The following CSGALNACT1 variants were observed in gnomAD, a reference collection of about 807,000 sequenced individuals.
The protein encoded by CSGALNACT1 is beta4GalNAcT-1.
In CSGALNACT1, 52 loss-of-function variants were observed where a neutral mutation model predicts 51.0. The ratio of observed to expected loss-of-function variants is 1.02; its 90% CI spans 0.82 to 1.29. CSGALNACT1 has a LOEUF of 1.29. Among genes scored for constraint, CSGALNACT1 ranks in the 50% most tolerant of loss-of-function variants. The probability of loss-of-function intolerance (pLI) is 0.00; values close to 1 mark genes in which losing one functional copy is unlikely to be tolerated. For missense variants in CSGALNACT1, 935 were observed against 679.2 expected (o/e 1.38, Z -4.19); for synonymous variants, 341 against 254.4 (o/e 1.34, Z -3.24).
intron 3 of CSGALNACT1, among the ~76,000 whole-genome samples, chr8:19,570,615 G>A (rs537099289): frequency 1.5e-4 from 23 of 152,284 alleles, no homozygotes; most frequent in African/African-American, 5.5e-4. Context: ...TTTAAGACAT[G>A]TACAGGCCGG....
intron 4 of CSGALNACT1, among the ~76,000 whole-genome samples, chr8:19,468,107 C>T (rs991882289): frequency 6.6e-6 from 1 of 152,074 alleles, no homozygotes; most frequent in South Asian, 2.1e-4. Flanking sequence ...CAGAGTCTGC[C>T]CATGGTATAA....
chr8:19,544,969 C>A (rs1048822308), intron 3 of CSGALNACT1, among the ~76,000 whole-genome samples: 13 of 151,772 alleles, frequency 8.6e-5, no homozygotes, highest in African/African-American at 2.7e-4. Context: ...AAATGGGAAC[C>A]AGGGGAGAAG....
At chr8:19,463,429 C>T (rs1032842637) in intron 4 of CSGALNACT1, among the ~76,000 whole-genome samples, 2 of 152,018 alleles carry the variant, frequency 1.3e-5, no homozygotes, top group African/African-American at 4.8e-5. Context: ...ACACAAAGGA[C>T]GACACCTAAA....
chr8:19,716,456 A>T (rs1468248865), intron 1 of CSGALNACT1, among the ~76,000 whole-genome samples: 1 of 151,942 alleles, frequency 6.6e-6, no homozygotes, highest in Non-Finnish European at 1.5e-5. Context: ...TTGATAATAC[A>T]GTACAAACTT....
chr8:19,458,663 A>G (rs759983847), intron 4 of CSGALNACT1, 21 bp from the exon 4 acceptor site: 2 of 1,610,824 alleles, frequency 1.2e-6, no homozygotes, highest in East Asian at 2.2e-5. Flanking sequence ...AAAAACAAGG[A>G]AAGATAGTTC....
intron 4 of CSGALNACT1, among the ~76,000 whole-genome samples, chr8:19,486,210 C>A (rs2153943602): frequency 6.6e-6 from 1 of 152,014 alleles, no homozygotes; most frequent in African/African-American, 2.4e-5. Context: ...GCTTAATGAG[C>A]CTTGATGATT....
At chr8:19,732,720 G>A (rs926806031) in intron 1 of CSGALNACT1, among the ~76,000 whole-genome samples, 7 of 152,184 alleles carry the variant, frequency 4.6e-5, no homozygotes, top group Admixed American at 3.9e-4. Flanking sequence ...TACATATATG[G>A]ATCTTTATAA....
At chr8:19,700,199 GT>G (rs1287382045) in intron 1 of CSGALNACT1, among the ~76,000 whole-genome samples, 9 of 148,150 alleles carry the variant, frequency 6.1e-5, no homozygotes, top group African/African-American at 9.9e-5. Context: ...GTTAAGTCAG[GT>G]TTTTTTTTTA....
intron 1 of CSGALNACT1, among the ~76,000 whole-genome samples, chr8:19,743,684 T>G (rs1329253754): frequency 6.6e-6 from 1 of 152,212 alleles, no homozygotes; most frequent in Non-Finnish European, 1.5e-5. Flanking sequence ...TGATTGCTAT[T>G]TTCTTCTTCC....
rs558833862 is a variant in CSGALNACT1, at chr8:19,526,484, G to A, written c.-296-20354C>T. ...TGTAGTGCCAGCTACTCGGGAGACCGAGGCAGGATAATCACTTGAACCTGG... is the reference window on the plus strand; with the variant it reads ...TGTAGTGCCAGCTACTCGGGAGACCAAGGCAGGATAATCACTTGAACCTGG... On this transcript the variant is annotated intron_variant, in intron 3 of 9. Transcript: ENST00000454498. Among the ~76,000 whole-genome samples, 29 of 152,274 alleles carry A rather than the reference G, an allele frequency of 1.9e-4. 1 individual carries two copies. The South Asian group carries it at 4.4e-3, about 23-fold the overall frequency.
chr8:19,594,374 G>A (rs779892241), intron 2 of CSGALNACT1, among the ~76,000 whole-genome samples: 52 of 152,266 alleles, frequency 3.4e-4, no homozygotes, highest in Non-Finnish European at 6.0e-4. Context: ...GTGTAATCCG[G>A]CACTCAATAC....
upstream of CSGALNACT1, among the ~76,000 whole-genome samples, chr8:19,606,941 G>A (rs2051460692): frequency 6.6e-6 from 1 of 152,178 alleles, no homozygotes; most frequent in African/African-American, 2.4e-5. Context: ...GGATCACAAG[G>A]TCAGGAGATC....
intron 2 of CSGALNACT1, among the ~76,000 whole-genome samples, chr8:19,594,165 G>A (rs970484867): frequency 2.0e-5 from 3 of 152,106 alleles, no homozygotes; most frequent in African/African-American, 7.2e-5. Context: ...AGAATGAGAA[G>A]AACAGAAAAA....
At chr8:19,571,052 G>C (rs1002243996) in intron 3 of CSGALNACT1, among the ~76,000 whole-genome samples, 2 of 152,132 alleles carry the variant, frequency 1.3e-5, no homozygotes, top group African/African-American at 4.8e-5. Context: ...AATCACTGCA[G>C]CCTCAACCTC....
intron 4 of CSGALNACT1, among the ~76,000 whole-genome samples, chr8:19,466,484 T>G (rs943555451): frequency 2.6e-5 from 4 of 152,202 alleles, no homozygotes; most frequent in Non-Finnish European, 5.9e-5. Context: ...CGGTAAATGC[T>G]TAGTATTTTA....
At chr8:19,592,726 C>T (rs1373106778) in intron 2 of CSGALNACT1, among the ~76,000 whole-genome samples, 3 of 152,116 alleles carry the variant, frequency 2.0e-5, no homozygotes, top group Admixed American at 6.5e-5. Context: ...TGTGCCACTG[C>T]ACCACTGCAC....
At chr8:19,517,463 G>C (rs1169446568) in intron 3 of CSGALNACT1, among the ~76,000 whole-genome samples, 2 of 152,090 alleles carry the variant, frequency 1.3e-5, no homozygotes. Flanking sequence ...AGAAGAAAAA[G>C]AGAATATCTC....
At position 19,418,766 on chromosome 8, in the gene CSGALNACT1, C is replaced by T. The variant is rs539002267; in HGVS notation, c.1133-16G>A. ...ACCTTCTTCCCTACAAACCAGAAAA[C>T]AAACATTCACTTAAAGTGACAGATC... On this transcript the variant is annotated splice_polypyrimidine_tract_variant and intron_variant, in intron 7 of 9. Transcript: ENST00000454498. 2.6e-6 allele frequency: 4 copies of T among 1,545,118 alleles called. No individual in the cohort carries two copies. In the East Asian group the frequency reaches 9.0e-5, roughly 35 times the overall value.
At chr8:19,458,120 C>A (rs139613922) in intron 5 of CSGALNACT1, among the ~76,000 whole-genome samples, 2 of 152,270 alleles carry the variant, frequency 1.3e-5, no homozygotes, top group African/African-American at 4.8e-5. Flanking sequence ...CTGCTATCCC[C>A]AAACCTGAGC....
Sources: allele counts gnomAD v4.1 joint callset (sites outside exome capture counted in the v4.1 genomes callset), GRCh38; gene constraint gnomAD v4.1.1; transcripts MANE v1.5; gene names NCBI Gene and HGNC (gene_info 2026-07-23, HGNC 2026-07-21).